The following SDHC variants were observed in gnomAD, a reference collection of about 807,000 sequenced individuals.
SDHC encodes succinate dehydrogenase complex subunit C, also known as succinate dehydrogenase cytochrome b560 subunit, mitochondrial.
Under a neutral mutation model 22.6 loss-of-function variants are expected in SDHC, and 11 were observed. The observed-to-expected ratio is 0.49, with a 90% CI of 0.31 to 0.81. The LOEUF (loss-of-function observed/expected upper bound fraction) is 0.81, where lower values mean the gene tolerates loss of function less well. SDHC is among the 30% of genes least tolerant of loss of function. SDHC has a pLI of 0.05. For missense variants in SDHC, 160 were observed against 212.0 expected (o/e 0.75, Z 1.52); for synonymous variants, 80 against 77.8 (o/e 1.03, Z -0.15).
intron 5 of SDHC, among the ~76,000 whole-genome samples, chr1:161,358,509 C>T (rs1312184312): frequency 6.6e-6 from 1 of 151,886 alleles, no homozygotes; most frequent in East Asian, 1.9e-4. Flanking sequence ...TGGTGGTGTG[C>T]GCCTGTGGTC....
At chr1:161,353,249 T>G (rs1002507129) in intron 4 of SDHC, among the ~76,000 whole-genome samples, 1 of 152,136 alleles carries the variant, frequency 6.6e-6, no homozygotes, top group African/African-American at 2.4e-5. Flanking sequence ...TTCTGTTGGT[T>G]AATATTGGTG....
At chr1:161,348,094 AAGC>A (rs1315941568) in intron 4 of SDHC, among the ~76,000 whole-genome samples, 1 of 152,204 alleles carries the variant, frequency 6.6e-6, no homozygotes, top group Non-Finnish European at 1.5e-5. Context: ...AAATTTTAAA[AAGC>A]ATGTTAACAC....
intron 2 of SDHC, among the ~76,000 whole-genome samples, chr1:161,327,655 G>A (rs868669678): frequency 2.0e-5 from 3 of 152,012 alleles, no homozygotes; most frequent in South Asian, 2.1e-4. Flanking sequence ...TCTGCCTCCC[G>A]GGTTCAAGTG....
chr1:161,349,679 G>C (rs1166738576), intron 4 of SDHC, among the ~76,000 whole-genome samples: 1 of 152,076 alleles, frequency 6.6e-6, no homozygotes, highest in East Asian at 1.9e-4. Context: ...TGGGATATTA[G>C]TTATTGATTC....
At chr1:161,324,943 G>A (rs1571846112) in intron 2 of SDHC, among the ~76,000 whole-genome samples, 1 of 152,172 alleles carries the variant, frequency 6.6e-6, no homozygotes, top group Non-Finnish European at 1.5e-5. Context: ...GTTCATGCCT[G>A]TAATCCCAAC....
chr1:161,323,058 G>A (rs1047787571), intron 1 of SDHC, among the ~76,000 whole-genome samples: 1 of 151,940 alleles, frequency 6.6e-6, no homozygotes. Flanking sequence ...GAGTGCAGTG[G>A]CACCATCTTG....
intron 1 of SDHC, among the ~76,000 whole-genome samples, chr1:161,320,247 A>G (rs1670793053): frequency 6.6e-6 from 1 of 152,150 alleles, no homozygotes; most frequent in Non-Finnish European, 1.5e-5. Flanking sequence ...AAGAAAAGAA[A>G]TCAAGGATGA....
intron 4 of SDHC, among the ~76,000 whole-genome samples, chr1:161,350,728 G>A (rs1458863634): frequency 2.0e-5 from 3 of 152,178 alleles, no homozygotes; most frequent in Admixed American, 6.5e-5. Context: ...GCCATGTTTG[G>A]TCAACAGATG....
chr1:161,337,576 C>G (rs1671545088), intron 3 of SDHC, among the ~76,000 whole-genome samples: 1 of 152,114 alleles, frequency 6.6e-6, no homozygotes, highest in Non-Finnish European at 1.5e-5. Context: ...TCTGGAAGAT[C>G]CTGGGGGACT....
intron 5 of SDHC, 53 bp from the exon 6 acceptor site, chr1:161,362,276 G>A (rs1672543401): frequency 6.3e-7 from 1 of 1,577,946 alleles, no homozygotes; most frequent in African/African-American, 1.4e-5. Context: ...GACAGGAACT[G>A]TTAATGTCCT....
At chr1:161,358,372 G>T (rs1338154118) in intron 5 of SDHC, among the ~76,000 whole-genome samples, 1 of 151,644 alleles carries the variant, frequency 6.6e-6, no homozygotes, top group African/African-American at 2.4e-5. Flanking sequence ...GCTTCCCAAA[G>T]TGCTGGGATT....
At chr1:161,349,888 T>C (rs1490065720) in intron 4 of SDHC, among the ~76,000 whole-genome samples, 1 of 152,188 alleles carries the variant, frequency 6.6e-6, no homozygotes, top group Non-Finnish European at 1.5e-5. Flanking sequence ...CAAATTTGGA[T>C]AATACCTTTT....
intron 3 of SDHC, among the ~76,000 whole-genome samples, chr1:161,334,514 C>T (rs558547782): frequency 7.9e-5 from 12 of 152,258 alleles, no homozygotes; most frequent in African/African-American, 2.9e-4. Flanking sequence ...TCATGGCTTA[C>T]TGCAGCCTTG....
intron 4 of SDHC, among the ~76,000 whole-genome samples, chr1:161,343,139 T>C (rs1671779983): frequency 6.6e-6 from 1 of 152,238 alleles, no homozygotes. Context: ...TATTGACTTT[T>C]GCTTTGTTGA....
chr1:161,328,153 G>A (rs1671132796), intron 2 of SDHC, among the ~76,000 whole-genome samples: 1 of 151,734 alleles, frequency 6.6e-6, no homozygotes, highest in South Asian at 2.1e-4. Context: ...ACAGGCGCCC[G>A]CCACCACATC....
At position 161,361,867 on chromosome 1, in the gene SDHC, G is replaced by A. The variant is rs117003259; in HGVS notation, c.406-462G>A. Among the ~76,000 whole-genome samples, 285 of 137,516 alleles carry A rather than the reference G, an allele frequency of 2.1e-3. 8 individuals are homozygous for A. The East Asian group carries it at 0.057, about 28-fold the overall frequency. The allele number at this position is 137,516 out of a possible 152,430, so 90.2% of individuals were successfully genotyped here. A position where few individuals can be genotyped will look rare whatever the true frequency, so the allele number is the denominator to read the frequency against. On this transcript the variant is annotated intron_variant, in intron 5 of 5. Transcript: ENST00000367975. Reference sequence around the variant, plus strand: ...CAAAAAAAAAAAAAAAAAAAAAACTGTTTAGAAAGTCTTGCAGTTAAATGT... The same window carrying A: ...CAAAAAAAAAAAAAAAAAAAAAACTATTTAGAAAGTCTTGCAGTTAAATGT...
intron 4 of SDHC, among the ~76,000 whole-genome samples, chr1:161,345,605 T>C (rs972496715): frequency 2.7e-5 from 4 of 149,632 alleles, no homozygotes; most frequent in Non-Finnish European, 5.9e-5. Context: ...TACAGGCGCC[T>C]GCCACCACGC....
intron 4 of SDHC, among the ~76,000 whole-genome samples, chr1:161,344,317 C>T (rs1196744201): frequency 6.6e-6 from 1 of 151,706 alleles, no homozygotes; most frequent in Admixed American, 6.6e-5. Context: ...AAAAAATTAG[C>T]CTGGAATGGT....
chr1:161,323,751 A>G (rs1670936885), intron 2 of SDHC, 81 bp downstream of exon 2: 1 of 1,077,594 alleles, frequency 9.3e-7, no homozygotes, highest in Non-Finnish European at 1.4e-6. Context: ...GCTGGAGTGC[A>G]ATGGCGCGAT....
Sources: gnomAD v4.1 joint callset for allele counts (sites outside exome capture counted in the v4.1 genomes callset) on GRCh38, gnomAD v4.1.1 for gene constraint, MANE v1.5 for transcripts, NCBI Gene and HGNC (gene_info 2026-07-23, HGNC 2026-07-21) for gene names.